Variants in FAF2 observed in about 807,000 individuals in gnomAD.
The protein encoded by FAF2 is Fas associated factor family member 2.
FAF2 carries 9 observed loss-of-function variants against 62.3 expected under a neutral mutation model. The observed-to-expected ratio is 0.14, with a 90% CI of 0.09 to 0.25. FAF2 has a LOEUF of 0.25. Among genes scored for constraint, FAF2 ranks in the 10% least tolerant of loss-of-function variants. FAF2 has a pLI of 1.00. For missense variants in FAF2, 368 were observed against 556.2 expected (o/e 0.66, Z 3.40); for synonymous variants, 202 against 198.0 (o/e 1.02, Z -0.17).
chr5:176,493,409 G>C (rs1234377783), intron 5 of FAF2, among the ~76,000 whole-genome samples: 4 of 152,220 alleles, frequency 2.6e-5, no homozygotes, highest in Non-Finnish European at 5.9e-5. Context: ...GTCAGCAGTC[G>C]TACAGTGTAA....
chr5:176,495,812 C>G (rs186146858), intron 7 of FAF2, among the ~76,000 whole-genome samples: 1 of 152,130 alleles, frequency 6.6e-6, no homozygotes, highest in Non-Finnish European at 1.5e-5. Context: ...AGCCCAGCCT[C>G]AACTTTCTAT....
intron 1 of FAF2, among the ~76,000 whole-genome samples, chr5:176,466,494 T>C (rs1758471418): frequency 6.6e-6 from 1 of 152,198 alleles, no homozygotes; most frequent in African/African-American, 2.4e-5. Context: ...AGATGAGATA[T>C]GGAAAGATAA....
chr5:176,474,074 T>G (rs1372279915), intron 1 of FAF2, among the ~76,000 whole-genome samples: 3 of 152,228 alleles, frequency 2.0e-5, no homozygotes, highest in Non-Finnish European at 4.4e-5. Context: ...TTGTGGCTTG[T>G]AGGACCTTTC....
intron 10 of FAF2, among the ~76,000 whole-genome samples, chr5:176,500,828 G>A (rs1405335326): frequency 1.3e-5 from 2 of 152,134 alleles, no homozygotes; most frequent in African/African-American, 4.8e-5. Context: ...TCTGTAAAAT[G>A]GGTTTAATAA....
chr5:176,505,093 G>A (rs938736944), intron 10 of FAF2, among the ~76,000 whole-genome samples: 1 of 152,044 alleles, frequency 6.6e-6, no homozygotes, highest in Non-Finnish European at 1.5e-5. Flanking sequence ...ACACAGAGGG[G>A]TATAAAACCC....
At chr5:176,493,787 A>G (rs772868035) in intron 5 of FAF2, among the ~76,000 whole-genome samples, 3 of 152,168 alleles carry the variant, frequency 2.0e-5, no homozygotes, top group Non-Finnish European at 4.4e-5. Context: ...AAACCTTTTC[A>G]TTAAAGCTTG....
intron 2 of FAF2, among the ~76,000 whole-genome samples, chr5:176,485,585 T>A (rs983867116): frequency 6.6e-6 from 1 of 152,194 alleles, no homozygotes; most frequent in Non-Finnish European, 1.5e-5. Context: ...AGGGAATGAA[T>A]TTTTTAAACT....
intron 1 of FAF2, among the ~76,000 whole-genome samples, chr5:176,451,168 C>G (rs1232970217): frequency 6.6e-6 from 1 of 152,038 alleles, no homozygotes; most frequent in Non-Finnish European, 1.5e-5. Flanking sequence ...ATCAGGAGTT[C>G]GAGACCAGCC....
chr5:176,491,122 C>T (rs1202470642), intron 4 of FAF2, among the ~76,000 whole-genome samples: 1 of 152,200 alleles, frequency 6.6e-6, no homozygotes, highest in Non-Finnish European at 1.5e-5. Flanking sequence ...ATCACCTTGT[C>T]TGTGCTGAAA....
chr5:176,456,261 G>T (rs1217344758), intron 1 of FAF2, among the ~76,000 whole-genome samples: 1 of 152,110 alleles, frequency 6.6e-6, no homozygotes, highest in African/African-American at 2.4e-5. Flanking sequence ...TAGTAGAGAT[G>T]GGGTTTTGCC....
chr5:176,472,024 A>G (rs1044381519), intron 1 of FAF2, among the ~76,000 whole-genome samples: 33 of 151,856 alleles, frequency 2.2e-4, no homozygotes, highest in Admixed American at 7.2e-4. Context: ...CCCTTTCCCT[A>G]TAGGAAATAA....
chr5:176,480,662 C>T (rs1407039150), intron 2 of FAF2, among the ~76,000 whole-genome samples: 8 of 151,978 alleles, frequency 5.3e-5, no homozygotes, highest in Non-Finnish European at 1.5e-5. Context: ...ATCCTCCTGC[C>T]TCAGCTTCCC....
Position 176,496,642 on chromosome 5 carries a change from T to A in FAF2, c.818T>A (p.Leu273Gln). The change falls in exon 8 of 11, where the codon CTG becomes CAG. Residue 273 changes from leucine to glutamine, a missense_variant. Transcript: ENST00000261942. The stretch of plus-strand genomic sequence containing the variant: ...ATCATGGATGCTAACCAGACTTACC[T>A]GGTGTCAGAACGCCTAGAAAGGTAC... ...TFIMDANQTY[L>Q]VSERLEREER... The A allele has an allele frequency of 6.3e-7, 1 of 1,596,858 alleles. No homozygotes were observed. The highest frequency in any genetic ancestry group is 8.5e-7 in the Non-Finnish European group (1 of 1,172,306).
chr5:176,506,920 T>G lies in FAF2; in HGVS notation c.1308T>G (p.Val436=). ...AGGCCGGACTCAGCCACACAGAAGTTCTTTTTGTTCAGGACCTAACTGACG... is the reference window on the plus strand; with the variant it reads ...AGGCCGGACTCAGCCACACAGAAGTGCTTTTTGTTCAGGACCTAACTGACG... ...LQEAGLSHTE[V]LFVQDLTDE The change falls in exon 11 of 11, where the codon GTT becomes GTG. Residue 436 remains valine (V), a synonymous_variant. Transcript: ENST00000261942. 1 of 1,602,692 alleles carries G rather than the reference T, an allele frequency of 6.2e-7. No homozygotes were observed. The highest frequency in any genetic ancestry group is 8.5e-7 in the Non-Finnish European group (1 of 1,173,196).
intron 1 of FAF2, among the ~76,000 whole-genome samples, chr5:176,456,233 G>A (rs749102513): frequency 2.0e-4 from 30 of 152,090 alleles, no homozygotes; most frequent in Middle Eastern, 3.4e-3. Context: ...CACCACACCC[G>A]GCTAATTTTT....
intron 1 of FAF2, among the ~76,000 whole-genome samples, chr5:176,463,384 C>CA (rs796695371): frequency 0.017 from 2,256 of 136,056 alleles, 40 homozygotes; most frequent in African/African-American, 0.054. Context: ...GACTCCATCT[C>CA]AAAAAAAAAA....
At chr5:176,469,218 C>T (rs1433713523) in intron 1 of FAF2, among the ~76,000 whole-genome samples, 1 of 152,106 alleles carries the variant, frequency 6.6e-6, no homozygotes, top group East Asian at 1.9e-4. Context: ...GTACTCCAGC[C>T]TGGGCGACAG....
chr5:176,474,908 A>T (rs1176718784), intron 1 of FAF2, among the ~76,000 whole-genome samples: 1 of 152,196 alleles, frequency 6.6e-6, no homozygotes, highest in Non-Finnish European at 1.5e-5. Context: ...ATGTTGATAT[A>T]TGAATGAATA....
At chr5:176,500,449 A>C (rs973753586) in intron 10 of FAF2, among the ~76,000 whole-genome samples, 1 of 152,182 alleles carries the variant, frequency 6.6e-6, no homozygotes, top group Admixed American at 6.6e-5. Flanking sequence ...TGTGTGTTTG[A>C]AGATGGGAGG....
Sources: gnomAD v4.1 joint callset for allele counts (sites outside exome capture counted in the v4.1 genomes callset) on GRCh38, gnomAD v4.1.1 for gene constraint, MANE v1.5 for transcripts, NCBI Gene and HGNC (gene_info 2026-07-23, HGNC 2026-07-21) for gene names.